Variants in SYK observed in about 807,000 individuals in gnomAD.
The protein encoded by SYK is spleen associated tyrosine kinase.
In SYK, 16 loss-of-function variants were observed where a neutral mutation model predicts 77.8. The observed-to-expected ratio is 0.21, with a 90% CI of 0.14 to 0.31. SYK has a LOEUF of 0.31. SYK is among the 10% of genes least tolerant of loss of function. The pLI is 1.00. For synonymous variants in SYK, 312 were observed against 308.7 expected, an observed-to-expected ratio of 1.01 and a Z score of -0.11; for missense variants, 529 against 814.4, an observed-to-expected ratio of 0.65 and a Z score of 4.26.
chr9:90,884,444 TACATAC>T lies in SYK; in HGVS notation c.1582-3293_1582-3288del, dbSNP rs1828357022. Reference sequence around the variant, plus strand: ...ACATATACACATATGTGTGTACATATACATACACATACACATATGTGTGTACATATA... The same window carrying T: ...ACATATACACATATGTGTGTACATATACATACACATATGTGTGTACATATA... On this transcript the variant is annotated intron_variant, in intron 11 of 13. Coordinates refer to ENST00000375754, the MANE Select transcript of SYK (RefSeq NM_003177.7). Among the ~76,000 whole-genome samples, 3 of 91,292 alleles carry T rather than the reference TACATAC, an allele frequency of 3.3e-5. 1 individual carries two copies. The South Asian group carries it at 1.0e-3, about 31-fold the overall frequency. The allele number at this position is 91,292 out of a possible 152,430, so 59.9% of individuals were successfully genotyped here. A position where few individuals can be genotyped will look rare whatever the true frequency, so the allele number is the denominator to read the frequency against.
At chr9:90,841,219 T>C (rs930908357) in intron 1 of SYK, among the ~76,000 whole-genome samples, 2 of 151,636 alleles carry the variant, frequency 1.3e-5, no homozygotes, top group Non-Finnish European at 2.9e-5. Flanking sequence ...TAGTGTGTTG[T>C]GTGTCGTGTG....
intron 1 of SYK, among the ~76,000 whole-genome samples, chr9:90,841,224 CGTGT>C (rs905367085): frequency 1.4e-5 from 2 of 143,386 alleles, no homozygotes; most frequent in Non-Finnish European, 3.0e-5. Context: ...TGTTGTGTGT[CGTGT>C]GTATGTAGTT....
intron 3 of SYK, among the ~76,000 whole-genome samples, chr9:90,846,441 G>C (rs1355887816): frequency 2.0e-5 from 3 of 152,202 alleles, no homozygotes; most frequent in African/African-American, 7.2e-5. Context: ...CCTAGATTTA[G>C]AAGCGTTTTC....
chr9:90,840,476 C>T (rs1826255509), intron 1 of SYK, among the ~76,000 whole-genome samples: 1 of 150,604 alleles, frequency 6.6e-6, no homozygotes, highest in Non-Finnish European at 1.5e-5. Context: ...TGAGCCACCG[C>T]GCCCGGCCAA....
chr9:90,843,950 G>A lies in SYK; in HGVS notation c.52G>A (p.Gly18Ser), dbSNP rs752280694. The part of the protein sequence containing the change: ...DSANHLPFFF[G>S]NITREEAEDY... ...CGCCAACCACCTGCCCTTCTTTTTCGGCAACATCACCCGGGAGGAGGCAGA... is the reference window on the plus strand; with the variant it reads ...CGCCAACCACCTGCCCTTCTTTTTCAGCAACATCACCCGGGAGGAGGCAGA... The change falls in exon 2 of 14, where the codon GGC becomes AGC. Residue 18 changes from glycine (G) to serine (S), a missense_variant. Physicochemically the swap from Gly to Ser is moderately conservative, Grantham distance 56 (BLOSUM62 0). Around this residue, in one of 2 missense-constraint regions of SYK, gnomAD observed 321 missense variants for 433.1 expected, o/e 0.74. Transcript: ENST00000375754. 3.2e-6 allele frequency: 5 copies of A among 1,572,896 alleles called. No homozygotes were observed.
At chr9:90,841,167 G>C (rs977721473) in intron 1 of SYK, among the ~76,000 whole-genome samples, 1 of 150,476 alleles carries the variant, frequency 6.6e-6, no homozygotes, top group Non-Finnish European at 1.5e-5. Flanking sequence ...GGTGTGGTTT[G>C]TGTGTGTTTT....
chr9:90,871,408 G>T (rs1191908464), intron 7 of SYK, among the ~76,000 whole-genome samples: 1 of 152,194 alleles, frequency 6.6e-6, no homozygotes, highest in Non-Finnish European at 1.5e-5. Context: ...ATGTAGACCG[G>T]AAATATATTT....
At chr9:90,867,313 T>A in intron 7 of SYK, 114 bp downstream of exon 7, 1 of 1,079,014 alleles carries the variant, frequency 9.3e-7, no homozygotes, top group Non-Finnish European at 1.4e-6. Context: ...CTTGCCACTC[T>A]GCTTCCAGGC....
Position 90,829,181 on chromosome 9 carries a change from C to A in SYK, c.-41-14677C>A, listed in dbSNP as rs143746144. ...GGTGTGCGCTGTAGTCCCAGCTACT[C>A]AGGAGGCTGAGGCAGGAGAATTGCT... On this transcript the variant is annotated intron_variant, in intron 1 of 13. Coordinates refer to ENST00000375754, the MANE Select transcript of SYK (RefSeq NM_003177.7). Among the ~76,000 whole-genome samples the A allele has an allele frequency of 2.2e-4, 33 of 152,046 alleles. 1 individual carries two copies. The East Asian group carries it at 6.0e-3, about 28-fold the overall frequency.
chr9:90,852,174 T>C (rs780040879), intron 3 of SYK, among the ~76,000 whole-genome samples: 5 of 152,222 alleles, frequency 3.3e-5, no homozygotes, highest in Admixed American at 2.6e-4. Flanking sequence ...AATAATATCA[T>C]GTACATTTTT....
chr9:90,874,594 T>C, intron 8 of SYK, 78 bp from the exon 9 acceptor site: 1 of 1,478,502 alleles, frequency 6.8e-7, no homozygotes, highest in Non-Finnish European at 9.2e-7. Context: ...CATATTCCCA[T>C]GAAGATCATG....
intron 1 of SYK, among the ~76,000 whole-genome samples, chr9:90,821,198 T>C (rs1825501739): frequency 6.6e-6 from 1 of 152,218 alleles, no homozygotes; most frequent in African/African-American, 2.4e-5. Flanking sequence ...CCTGTCTTCT[T>C]CTGAACCCTC....
rs1170902146 is a variant in SYK, at chr9:90,898,269, A to C, written c.*2669A>C. 2 of 230,696 alleles carry C rather than the reference A, an allele frequency of 8.7e-6. No individual in the cohort carries two copies. Among genetic ancestry groups the C allele is most frequent in the Non-Finnish European group, 1.7e-5 (2 of 116,488 alleles). 14.3% of individuals were successfully genotyped at this position (230,696 alleles called of 1,614,324 possible). A position where few individuals can be genotyped will look rare whatever the true frequency, so the allele number is the denominator to read the frequency against. ...TTCAGTGGTGAAAATCGTTGCATGC[A>C]TGTTTTCATCTGAGCGTGTCCTTCT... On this transcript the variant is annotated 3_prime_UTR_variant, in exon 14 of 14. Transcript: ENST00000375754.
At chr9:90,822,317 C>T (rs1825545967) in intron 1 of SYK, among the ~76,000 whole-genome samples, 1 of 152,080 alleles carries the variant, frequency 6.6e-6, no homozygotes, top group Non-Finnish European at 1.5e-5. Flanking sequence ...TTTTCTTGGG[C>T]TCCTGTGATG....
At chr9:90,808,335 A>G (rs1049364780) in intron 1 of SYK, among the ~76,000 whole-genome samples, 6 of 151,416 alleles carry the variant, frequency 4.0e-5, no homozygotes, top group Admixed American at 3.9e-4. Flanking sequence ...TGTGTATTTT[A>G]TTACTTGTTT....
chr9:90,859,847 T>A (rs1403619924), intron 3 of SYK, among the ~76,000 whole-genome samples: 1 of 152,248 alleles, frequency 6.6e-6, no homozygotes, highest in East Asian at 1.9e-4. Context: ...CTAATGAGGT[T>A]GATGGCATCA....
chr9:90,843,234 G>A (rs1017476095), intron 1 of SYK, among the ~76,000 whole-genome samples: 12 of 152,150 alleles, frequency 7.9e-5, no homozygotes, highest in Admixed American at 7.2e-4. Flanking sequence ...TCATAGCCCC[G>A]GGCTGGAGGT....
At chr9:90,841,540 G>A (rs1826337841) in intron 1 of SYK, among the ~76,000 whole-genome samples, 1 of 136,476 alleles carries the variant, frequency 7.3e-6, no homozygotes, top group Non-Finnish European at 1.6e-5. Flanking sequence ...TGTAGTATGG[G>A]GGTGTATGTG....
At chr9:90,865,491 T>C (rs1271194862) in intron 6 of SYK, among the ~76,000 whole-genome samples, 2 of 151,994 alleles carry the variant, frequency 1.3e-5, no homozygotes, top group African/African-American at 4.8e-5. Context: ...TATTTTTTAG[T>C]AGAGACGAGG....
Sources: allele counts gnomAD v4.1 joint callset (sites outside exome capture counted in the v4.1 genomes callset), GRCh38; gene constraint gnomAD v4.1.1; regional missense constraint gnomAD v4.1.1; transcripts MANE v1.5; gene names NCBI Gene and HGNC (gene_info 2026-07-23, HGNC 2026-07-21).